Variants in EDEM1 observed in about 807,000 individuals in gnomAD.
The protein encoded by EDEM1 is ER degradation enhancing alpha-mannosidase like protein 1.
A neutral mutation model predicts 74.4 loss-of-function variants in EDEM1; 67 were observed. The observed-to-expected ratio is 0.90, with a 90% CI of 0.74 to 1.10. EDEM1 has a LOEUF of 1.10. Among genes scored for constraint, EDEM1 ranks in the 50% least tolerant of loss-of-function variants. The pLI, the probability that EDEM1 is intolerant of heterozygous loss-of-function variation, is 0.00. For synonymous variants in EDEM1, 382 were observed against 335.9 expected, an observed-to-expected ratio of 1.14 and a Z score of -1.50; for missense variants, 926 against 851.6, an observed-to-expected ratio of 1.09 and a Z score of -1.09.
At chr3:5,214,406 A>G (rs960603832) in intron 11 of EDEM1, among the ~76,000 whole-genome samples, 4 of 152,172 alleles carry the variant, frequency 2.6e-5, no homozygotes, top group Admixed American at 1.3e-4. Flanking sequence ...GAAGGTCTTC[A>G]CCATCAGTCT....
chr3:5,208,212 C>T lies in EDEM1; in HGVS notation c.1458C>T (p.Leu486=), dbSNP rs1457106942. ...GGCAGCTGCAGGCCCCTGACGTTCT[C>T]TTCTACCCACTGAGACCAGAGTTAG... ...YNWQLQAPDV[L]FYPLRPELVE... Residue 486 remains leucine (L), a synonymous_variant, in exon 8 of 12, where the codon CTC becomes CTT. Transcript: ENST00000256497. 3 of 1,613,826 alleles carry T rather than the reference C, an allele frequency of 1.9e-6. No homozygotes were observed. The Admixed American group carries it at 5.0e-5, about 27-fold the overall frequency.
intron 8 of EDEM1, among the ~76,000 whole-genome samples, chr3:5,209,836 G>T (rs1252277697): frequency 6.6e-6 from 1 of 152,206 alleles, no homozygotes; most frequent in Non-Finnish European, 1.5e-5. Flanking sequence ...TCTGAGGCAA[G>T]ATAGAAATTG....
rs557089021 is a variant in EDEM1 at position 5,201,745 on chromosome 3, G to A, written c.687-8G>A. ...ATTGTATTATCTTTTTGTTCTTCCT[G>A]TCATTAGGGTCCTGGGAAGCCTCCT... On this transcript the variant is annotated splice_polypyrimidine_tract_variant and splice_region_variant and intron_variant, in intron 3 of 11. Transcript: ENST00000256497. The A allele has an allele frequency of 1.7e-5, 28 of 1,613,666 alleles. No individual in the cohort carries two copies. In the East Asian group the frequency reaches 6.2e-4, roughly 36 times the overall value.
intron 1 of EDEM1, among the ~76,000 whole-genome samples, chr3:5,193,209 G>C (rs1354379580): frequency 6.6e-6 from 1 of 152,154 alleles, no homozygotes; most frequent in Non-Finnish European, 1.5e-5. Flanking sequence ...GCTGTTTTCT[G>C]ATGAGGTGGG....
At position 5,219,285 on chromosome 3, in the gene EDEM1, T is replaced by C. The variant is rs2055283032; in HGVS notation, c.*3367T>C. On this transcript the variant is annotated 3_prime_UTR_variant, in exon 12 of 12. Transcript: ENST00000256497. Reference sequence around the variant, plus strand: ...GTCTGTTGACAAAAACAAAAATCTTTTTTCAAATGTAGTGCTGGTGAAAAG... The same window carrying C: ...GTCTGTTGACAAAAACAAAAATCTTCTTTCAAATGTAGTGCTGGTGAAAAG... 6.6e-6 allele frequency: 1 copy of C among 152,344 alleles called. No homozygotes were observed. 9.4% of individuals were successfully genotyped at this position (152,344 alleles called of 1,614,324 possible).
At chr3:5,192,110 T>C (rs2054909209) in intron 1 of EDEM1, among the ~76,000 whole-genome samples, 2 of 152,250 alleles carry the variant, frequency 1.3e-5, no homozygotes, top group South Asian at 4.1e-4. Context: ...TCCTCTTGTT[T>C]CCGTGACACC....
chr3:5,188,137 C>G lies in EDEM1; in HGVS notation c.332C>G (p.Pro111Arg), dbSNP rs1405079919. 1.3e-5 allele frequency: 20 copies of G among 1,532,502 alleles called. No homozygotes were observed. The highest frequency in any genetic ancestry group is 1.7e-4 in the Middle Eastern group (1 of 5,952). 94.9% of individuals were successfully genotyped at this position (1,532,502 alleles called of 1,614,324 possible). Reference protein sequence around the residue: ...GYVLGGRGRGPDEYEKRYSGA... With the variant: ...GYVLGGRGRGRDEYEKRYSGA... ...GTGCTGGGCGGCCGGGGCCGCGGCC[C>G]GGACGAGTACGAGAAGCGCTACAGC... The change falls in exon 1 of 12, where the codon CCG (proline) becomes CGG (arginine). Residue 111 changes from proline (P) to arginine (R), a missense_variant. By Grantham distance (103) the Pro-to-Arg change is moderately radical. Coordinates refer to ENST00000256497, the MANE Select transcript of EDEM1 (RefSeq NM_014674.3).
At position 5,207,192 on chromosome 3, in the gene EDEM1, C is replaced by G. The variant is rs368778438; in HGVS notation, c.1257C>G (p.Leu419=). The change falls in exon 7 of 12, where the codon CTC becomes CTG. Residue 419 remains leucine, a synonymous_variant. Coordinates refer to ENST00000256497, the MANE Select transcript of EDEM1 (RefSeq NM_014674.3). ...ATGAAGGAGAAGGAGACCCTCCACT[C>G]TATGTCAACGTGAACATGTTCAGTG... ...ACNEGEGDPP[L]YVNVNMFSGQ... is the part of the protein sequence containing the mutation. 53 of 1,614,102 alleles carry G rather than the reference C, an allele frequency of 3.3e-5. No homozygotes were observed. The highest frequency in any genetic ancestry group is 4.4e-5 in the Non-Finnish European group (52 of 1,180,044).
rs2054841694 is a variant in EDEM1, at chr3:5,187,776, T to A, written c.-30T>A. Reference sequence around the variant, plus strand: ...GGTCGGCGGGGAGGCCCCCGCGCTTTAAAATAATGCCCGCGGCGCCCGCGC... The same window carrying A: ...GGTCGGCGGGGAGGCCCCCGCGCTTAAAAATAATGCCCGCGGCGCCCGCGC... On this transcript the variant is annotated 5_prime_UTR_variant, in exon 1 of 12. Coordinates refer to ENST00000256497, the MANE Select transcript of EDEM1 (RefSeq NM_014674.3). 6.5e-7 allele frequency: 1 copy of A among 1,528,900 alleles called. No homozygotes were observed. Among genetic ancestry groups the A allele is most frequent in the Admixed American group, 2.0e-5 (1 of 50,798 alleles). 94.7% of individuals were successfully genotyped at this position (1,528,900 alleles called of 1,614,324 possible). A position where few individuals can be genotyped will look rare whatever the true frequency, so the allele number is the denominator to read the frequency against.
In EDEM1 at chr3:5,210,233, A is replaced by C; in HGVS notation, c.1568A>C (p.Lys523Thr). 1 of 1,614,188 alleles carries C rather than the reference A, an allele frequency of 6.2e-7. No homozygotes were observed. Among genetic ancestry groups the C allele is most frequent in the Non-Finnish European group, 8.5e-7 (1 of 1,179,994 alleles). ...ATGGATATTCTGCAGAGTCTGGAAA[A>C]GTACACAAAAGTCAAGTCAGTTTTC... Reference protein sequence around the residue: ...VGMDILQSLEKYTKVKCGYAT... With the variant: ...VGMDILQSLETYTKVKCGYAT... The change falls in exon 9 of 12, where the codon AAG becomes ACG. Residue 523 changes from lysine (K) to threonine (T), a missense_variant. Transcript: ENST00000256497.
chr3:5,199,815 T>C (rs2055013374), intron 3 of EDEM1, 120 bp downstream of exon 3: 3 of 670,882 alleles, frequency 4.5e-6, no homozygotes, highest in Non-Finnish European at 7.5e-6. Context: ...ATGGGCTTTA[T>C]GGGTGCAGTG....
intron 1 of EDEM1, 30 bp from the exon 2 acceptor site, chr3:5,195,179 T>C (rs757565584): frequency 1.5e-6 from 2 of 1,350,112 alleles, no homozygotes; most frequent in East Asian, 2.5e-5. Context: ...AAATAAAGTC[T>C]TTTTGTTGAA....
chr3:5,193,715 A>G (rs1020223398), intron 1 of EDEM1, among the ~76,000 whole-genome samples: 1 of 151,952 alleles, frequency 6.6e-6, no homozygotes, highest in Admixed American at 6.6e-5. Context: ...CTTCTGCCTC[A>G]GCCTCCCTAG....
rs2055245809 is a variant in EDEM1 at position 5,217,060 on chromosome 3, G to C, written c.*1142G>C. The C allele has an allele frequency of 6.6e-6, 1 of 152,630 alleles. No individual in the cohort carries two copies. Among genetic ancestry groups the C allele is most frequent in the Non-Finnish European group, 1.5e-5 (1 of 68,052 alleles). The allele number at this position is 152,630 out of a possible 1,614,324, so 9.5% of individuals were successfully genotyped here. ...ATATTGGTTTTGGTTTGGGGCACTG[G>C]ATGTCGCAGCTACTGCTATGGTTTC... On this transcript the variant is annotated 3_prime_UTR_variant, in exon 12 of 12. Transcript: ENST00000256497.
intron 11 of EDEM1, 102 bp downstream of exon 11, chr3:5,213,624 C>G: frequency 8.5e-7 from 1 of 1,170,164 alleles, no homozygotes. Context: ...ATGGTGTATG[C>G]AGATTGGGAG....
rs199862530 is a variant in EDEM1, at chr3:5,213,815, A to G, written c.1884+293A>G. Among the ~76,000 whole-genome samples, 6 of 152,284 alleles carry G rather than the reference A, an allele frequency of 3.9e-5. No individual in the cohort carries two copies. In the East Asian group the frequency reaches 1.2e-3, roughly 29 times the overall value. On this transcript the variant is annotated intron_variant, in intron 11 of 11. Transcript: ENST00000256497. ...GAGCACTCAGCAGGAGCCACGGCTC[A>G]GATCTGACTTTCAAGGCCTTGCCTG...
chr3:5,195,520 G>A (rs528060242), intron 2 of EDEM1, among the ~76,000 whole-genome samples: 107 of 152,182 alleles, frequency 7.0e-4, no homozygotes, highest in African/African-American at 2.5e-3. Flanking sequence ...TTGATTTTAG[G>A]GAACCTATTT....
chr3:5,203,190 G>C, intron 5 of EDEM1, 41 bp downstream of exon 5: 1 of 1,483,578 alleles, frequency 6.7e-7, no homozygotes, highest in Non-Finnish European at 9.0e-7. Flanking sequence ...CACACTGCTT[G>C]GTCCCCTTTT....
In EDEM1 at chr3:5,198,719, G is replaced by A. The variant is rs143639391; in HGVS notation, c.583-873G>A. 1.3e-3 allele frequency among the ~76,000 whole-genome samples: 182 copies of A among 144,336 alleles called. 1 individual carries two copies. Among genetic ancestry groups the A allele is most frequent in the African/African-American group, 4.6e-3 (178 of 38,604 alleles). 94.7% of individuals were successfully genotyped at this position (144,336 alleles called of 152,430 possible). A position where few individuals can be genotyped will look rare whatever the true frequency, so the allele number is the denominator to read the frequency against. On this transcript the variant is annotated intron_variant, in intron 2 of 11. Transcript: ENST00000256497. ...TAGCTATCTTATTTAGGAATAAAAT[G>A]GGAGGCAGGTTTGCCTGATGCAGTT...
Sources: allele counts gnomAD v4.1 joint callset (sites outside exome capture counted in the v4.1 genomes callset), GRCh38; gene constraint gnomAD v4.1.1; transcripts MANE v1.5; gene names NCBI Gene and HGNC (gene_info 2026-07-23, HGNC 2026-07-21).